ANO1: variants seen among roughly 807,000 people sequenced by gnomAD.
ANO1 encodes anoctamin-1.
Under a neutral mutation model 124.0 loss-of-function variants are expected in ANO1, and 59 were observed. The ratio of observed to expected loss-of-function variants is 0.48; its 90% CI spans 0.39 to 0.59. The LOEUF (loss-of-function observed/expected upper bound fraction) is 0.59, where lower values mean the gene tolerates loss of function less well. Among genes scored for constraint, ANO1 ranks in the 20% least tolerant of loss-of-function variants. The pLI, the probability that ANO1 is intolerant of heterozygous loss-of-function variation, is 0.00. For missense variants in ANO1, 1,059 were observed against 1,328.0 expected (o/e 0.80, Z 3.15); for synonymous variants, 529 against 532.0 (o/e 0.99, Z 0.08).
chr11:70,104,125 C>A lies in ANO1; in HGVS notation c.667C>A (p.Pro223Thr), dbSNP rs569164794. 2 of 1,613,000 alleles carry A rather than the reference C, an allele frequency of 1.2e-6. No homozygotes were observed. The highest frequency in any genetic ancestry group is 1.1e-5 in the South Asian group (1 of 90,886). Residue 223 changes from proline to threonine, a missense_variant, in exon 4 of 26, where the codon CCC becomes ACC. Around this residue, in one of 2 missense-constraint regions of ANO1, gnomAD observed 809 missense variants for 1,094.9 expected, o/e 0.74. Transcript: ENST00000355303. Reference protein sequence around the residue: ...RPQTMKRLSYPFSREKQHLFD... With the variant: ...RPQTMKRLSYTFSREKQHLFD... ...CCAGACCATGAAGAGACTCTCCTAT[C>A]CCTTCTCCCGGGAGAAGCAGCATCT...
intron 22 of ANO1, among the ~76,000 whole-genome samples, chr11:70,176,703 G>T (rs1389509627): frequency 6.6e-6 from 1 of 152,148 alleles, no homozygotes; most frequent in Non-Finnish European, 1.5e-5. Context: ...CCCGCCCCCT[G>T]CTTCCTGTCA....
intron 1 of ANO1, among the ~76,000 whole-genome samples, chr11:70,061,143 C>T (rs12223676): frequency 0.15 from 22,967 of 151,728 alleles, 1,795 homozygotes; most frequent in East Asian, 0.23. Flanking sequence ...GGGATTATAC[C>T]GAGATAGGTA....
Position 70,189,358 on chromosome 11 carries a change from T to A in ANO1, c.*1354T>A, listed in dbSNP as rs1276603677. The A allele has an allele frequency of 2.6e-5, 4 of 152,660 alleles. No individual in the cohort carries two copies. Among genetic ancestry groups the A allele is most frequent in the African/African-American group, 9.6e-5 (4 of 41,470 alleles). The allele number at this position is 152,660 out of a possible 1,614,324, so 9.5% of individuals were successfully genotyped here. A position where few individuals can be genotyped will look rare whatever the true frequency, so the allele number is the denominator to read the frequency against. On this transcript the variant is annotated 3_prime_UTR_variant, in exon 26 of 26. Transcript: ENST00000355303. ...AATCATGCAATCTGATGCTTCTCTT[T>A]TCTCTTGTACAGTAAGTAGTTTGAA...
At chr11:69,984,341 A>G (rs1228379075), upstream of ANO1, among the ~76,000 whole-genome samples, 2 of 128,422 alleles carry the variant, frequency 1.6e-5, no homozygotes, top group Non-Finnish European at 3.3e-5. Context: ...GGAGAATAAA[A>G]TCCCACTTGA....
At chr11:70,122,835 A>C (rs2046348703) in intron 8 of ANO1, among the ~76,000 whole-genome samples, 1 of 152,176 alleles carries the variant, frequency 6.6e-6, no homozygotes, top group African/African-American at 2.4e-5. Flanking sequence ...CTATGGCATA[A>C]ATCAGCAGCT....
intron 6 of ANO1, 48 bp from the exon 7 acceptor site, chr11:70,111,659 C>A (rs374026859): frequency 6.3e-7 from 1 of 1,588,734 alleles, no homozygotes; most frequent in Non-Finnish European, 8.6e-7. Flanking sequence ...CAATGGGAAG[C>A]GGGAGACCCG....
intron 1 of ANO1, among the ~76,000 whole-genome samples, chr11:70,032,535 A>AAG (rs797041942): frequency 7.2e-6 from 1 of 138,484 alleles, no homozygotes; most frequent in Non-Finnish European, 1.6e-5. Flanking sequence ...GAGGCGGGAG[A>AAG]GGGGGGGGGT....
At chr11:70,113,733 G>A (rs1451859857) in intron 7 of ANO1, among the ~76,000 whole-genome samples, 4 of 152,152 alleles carry the variant, frequency 2.6e-5, no homozygotes, top group Admixed American at 2.6e-4. Flanking sequence ...GTCTTAAAAG[G>A]GAAAGGGGAG....
At chr11:70,085,364 G>A (rs532039721) in intron 1 of ANO1, 1 of 1,450,706 alleles carries the variant, frequency 6.9e-7, no homozygotes, top group Non-Finnish European at 9.1e-7. Flanking sequence ...GCGTGGTCGT[G>A]GCCCCTAAGC....
At chr11:70,058,469 A>G (rs1857492060) in intron 1 of ANO1, among the ~76,000 whole-genome samples, 3 of 152,186 alleles carry the variant, frequency 2.0e-5, no homozygotes, top group African/African-American at 7.2e-5. Context: ...AGGATTAATA[A>G]AGTTTGTGAT....
At chr11:70,132,797 TG>T (rs1156779514) in intron 11 of ANO1, among the ~76,000 whole-genome samples, 1 of 152,228 alleles carries the variant, frequency 6.6e-6, no homozygotes, top group East Asian at 1.9e-4. Flanking sequence ...TCTCAGCCTG[TG>T]CCAGCTTTGA....
chr11:70,087,618 C>T, intron 1 of ANO1, 134 bp from the exon 2 acceptor site: 1 of 849,684 alleles, frequency 1.2e-6, no homozygotes, highest in Non-Finnish European at 1.7e-6. Flanking sequence ...CAGTGCCTGG[C>T]CCGTGGAGGG....
rs2049258162 is a variant in ANO1 at position 70,188,976 on chromosome 11, C to T, written c.*972C>T. ...GGGAGTTTATTAGTTAACCAAATAT[C>T]GTTGAGAGGAATTTAAAATACTGTT... On this transcript the variant is annotated 3_prime_UTR_variant, in exon 26 of 26. Coordinates refer to ENST00000355303, the MANE Select transcript of ANO1 (RefSeq NM_018043.7). 1 of 151,526 alleles carries T rather than the reference C, an allele frequency of 6.6e-6. No homozygotes were observed. Among genetic ancestry groups the T allele is most frequent in the South Asian group, 2.1e-4 (1 of 4,780 alleles). The allele number at this position is 151,526 out of a possible 1,614,324, so 9.4% of individuals were successfully genotyped here.
chr11:70,097,216 G>A (rs2045022748), intron 2 of ANO1, among the ~76,000 whole-genome samples: 1 of 152,216 alleles, frequency 6.6e-6, no homozygotes, highest in Non-Finnish European at 1.5e-5. Context: ...CCACAGCCCA[G>A]TCCCTGCCCC....
At chr11:70,038,533 G>A (rs1419576847) in intron 1 of ANO1, among the ~76,000 whole-genome samples, 1 of 152,104 alleles carries the variant, frequency 6.6e-6, no homozygotes, top group African/African-American at 2.4e-5. Flanking sequence ...TTGTCTCAGT[G>A]TTGATTTTGC....
intron 1 of ANO1, among the ~76,000 whole-genome samples, chr11:70,052,018 C>T (rs575797988): frequency 7.2e-5 from 11 of 152,298 alleles, no homozygotes; most frequent in African/African-American, 2.4e-4. Context: ...TTATGGTTGG[C>T]CTTTTTGCAT....
At chr11:69,978,109 A>G in the ANO1 span, among the ~76,000 whole-genome samples, 4 of 151,988 alleles carry the variant, frequency 2.6e-5, no homozygotes, top group Non-Finnish European at 5.9e-5. Flanking sequence ...AGAGGCCGGG[A>G]CCCTGGGGAC....
chr11:70,010,158 T>TGC lies in ANO1; in HGVS notation c.58+23993_58+23994insCG, dbSNP rs1555000786. Among the ~76,000 whole-genome samples, 34 of 62,642 alleles carry TGC rather than the reference T, an allele frequency of 5.4e-4. 1 individual carries two copies. Among genetic ancestry groups the TGC allele is most frequent in the East Asian group, 3.7e-3 (3 of 812 alleles). The allele number at this position is 62,642 out of a possible 152,430, so 41.1% of individuals were successfully genotyped here. ...TGGTGTGTGTGTGTGTGTGTGTGTG[T>TGC]GTGTGTGCGCGTGTGTGTGTGTATA... On this transcript the variant is annotated intron_variant, in intron 1 of 27. Coordinates refer to the ANO1 transcript ENST00000531349.
chr11:70,094,926 G>A (rs1296029756), intron 2 of ANO1, among the ~76,000 whole-genome samples: 1 of 152,156 alleles, frequency 6.6e-6, no homozygotes, highest in Non-Finnish European at 1.5e-5. Context: ...TGAATTCTGG[G>A]CTGGGTGCCA....
Sources: gnomAD v4.1 joint callset for allele counts (sites outside exome capture counted in the v4.1 genomes callset) on GRCh38, gnomAD v4.1.1 for gene constraint, gnomAD v4.1.1 regional missense constraint, MANE v1.5 for transcripts, NCBI Gene and HGNC (gene_info 2026-07-23, HGNC 2026-07-21) for gene names.